The following PALM2AKAP2 variants were observed in gnomAD, a reference collection of about 807,000 sequenced individuals.
PALM2AKAP2 encodes the protein PALM2-AKAP2 fusion protein.
In PALM2AKAP2, 37 loss-of-function variants were observed where a neutral mutation model predicts 71.5. The observed-to-expected ratio is 0.52, with a 90% CI of 0.40 to 0.68. The LOEUF (loss-of-function observed/expected upper bound fraction) is 0.68. Ranked by LOEUF, PALM2AKAP2 falls within the 30% of genes least tolerant of loss-of-function variation. PALM2AKAP2 has a pLI of 0.00. For synonymous variants in PALM2AKAP2, 468 were observed against 478.8 expected (o/e 0.98, Z 0.29); for missense variants, 1,224 against 1,191.8 (o/e 1.03, Z -0.40).
intron 1 of PALM2AKAP2, among the ~76,000 whole-genome samples, chr9:109,666,731 G>T (rs1827491025): frequency 6.6e-6 from 1 of 152,176 alleles, no homozygotes. Flanking sequence ...GGAGTCAGCA[G>T]AAGGCTCCCA....
chr9:109,690,611 A>G (rs147187656), intron 1 of PALM2AKAP2, among the ~76,000 whole-genome samples: 63 of 152,314 alleles, frequency 4.1e-4, no homozygotes, highest in African/African-American at 1.4e-3. Flanking sequence ...TTGGATACAC[A>G]TTTATGATTT....
intron 6 of PALM2AKAP2, among the ~76,000 whole-genome samples, chr9:109,995,196 G>A (rs910117618): frequency 2.0e-5 from 3 of 152,138 alleles, no homozygotes; most frequent in Non-Finnish European, 4.4e-5. Flanking sequence ...GCTCTGGCAG[G>A]ACACCCAGAA....
intron 2 of PALM2AKAP2, among the ~76,000 whole-genome samples, chr9:109,878,024 G>A (rs555793610): frequency 6.6e-6 from 1 of 152,238 alleles, no homozygotes; most frequent in Admixed American, 6.5e-5. Context: ...TGCAAAACAG[G>A]GTCTGTCGGG....
chr9:109,883,260 A>G (rs1343076491), intron 3 of PALM2AKAP2, among the ~76,000 whole-genome samples: 1 of 152,222 alleles, frequency 6.6e-6, no homozygotes, highest in East Asian at 1.9e-4. Context: ...AATAAAGAGC[A>G]CACTCAATGT....
At chr9:109,775,422 G>A (rs1244355940), upstream of PALM2AKAP2, among the ~76,000 whole-genome samples, 1 of 152,150 alleles carries the variant, frequency 6.6e-6, no homozygotes, top group Non-Finnish European at 1.5e-5. Flanking sequence ...CTCCCTAAAT[G>A]AATCTATCAT....
At chr9:109,816,586 G>C (rs1343117824) in intron 1 of PALM2AKAP2, among the ~76,000 whole-genome samples, 1 of 152,164 alleles carries the variant, frequency 6.6e-6, no homozygotes, top group Non-Finnish European at 1.5e-5. Flanking sequence ...GAAGATCAAG[G>C]TCATCAGAGT....
At chr9:109,862,930 G>T (rs535562747) in intron 1 of PALM2AKAP2, 2 of 514,682 alleles carry the variant, frequency 3.9e-6, no homozygotes, top group Admixed American at 2.0e-5. Context: ...TTTGAGGTTG[G>T]ATCATGGTAG....
intron 6 of PALM2AKAP2, among the ~76,000 whole-genome samples, chr9:109,991,624 A>G (rs905163859): frequency 2.0e-5 from 3 of 152,194 alleles, no homozygotes; most frequent in Admixed American, 6.5e-5. Context: ...TCCTCCCCCT[A>G]ATACTGAGCT....
At chr9:109,769,326 C>T (rs1323290270) in intron 1 of PALM2AKAP2, among the ~76,000 whole-genome samples, 1 of 152,082 alleles carries the variant, frequency 6.6e-6, no homozygotes, top group African/African-American at 2.4e-5. Context: ...TTTATTGGCT[C>T]AGAGGGCAAG....
At chr9:110,070,150 A>G (rs763974784) in intron 1 of PALM2AKAP2, among the ~76,000 whole-genome samples, 1 of 152,172 alleles carries the variant, frequency 6.6e-6, no homozygotes, top group African/African-American at 2.4e-5. Flanking sequence ...AAACACTTTC[A>G]CCTACTCTCA....
chr9:109,701,077 G>C (rs980559042), intron 1 of PALM2AKAP2, among the ~76,000 whole-genome samples: 1 of 152,128 alleles, frequency 6.6e-6, no homozygotes, highest in African/African-American at 2.4e-5. Flanking sequence ...AATTTTAAGA[G>C]ATAATGTAAG....
At chr9:110,077,362 G>GT (rs1834345184) in intron 1 of PALM2AKAP2, among the ~76,000 whole-genome samples, 1 of 152,162 alleles carries the variant, frequency 6.6e-6, no homozygotes, top group African/African-American at 2.4e-5. Flanking sequence ...TACTATAATA[G>GT]TACATTCATT....
chr9:109,890,125 A>G (rs1267759804), intron 3 of PALM2AKAP2, among the ~76,000 whole-genome samples: 2 of 152,192 alleles, frequency 1.3e-5, no homozygotes, highest in African/African-American at 2.4e-5. Flanking sequence ...TCCTGTTGAC[A>G]TACTCTTCCA....
chr9:109,659,746 A>C lies in PALM2AKAP2; in HGVS notation c.5+18880A>C, dbSNP rs183021733. On this transcript the variant is annotated intron_variant, in intron 1 of 6. Transcript: ENST00000374531. ...TTCTAACTAAAATTCATATTGCTCC[A>C]CTAAAAAACTTTTTATAGAAAATTC... Among the ~76,000 whole-genome samples the C allele has an allele frequency of 4.2e-3, 633 of 152,334 alleles. 5 individuals carry two copies. Among genetic ancestry groups the C allele is most frequent in the African/African-American group, 0.015 (608 of 41,588 alleles).
chr9:109,961,595 G>A (rs1831852134), intron 6 of PALM2AKAP2, among the ~76,000 whole-genome samples: 1 of 152,204 alleles, frequency 6.6e-6, no homozygotes, highest in Non-Finnish European at 1.5e-5. Flanking sequence ...ATGTTCAGTT[G>A]GGATGATGAA....
At chr9:110,170,123 T>C (rs1836823104) in exon 4 of PALM2AKAP2, 1 of 152,450 alleles carries the variant, frequency 6.6e-6, no homozygotes, top group African/African-American at 2.4e-5. Flanking sequence ...AATCTTTCTG[T>C]CATTTAAAGC....
chr9:109,671,760 C>T (rs1008608435), intron 1 of PALM2AKAP2, among the ~76,000 whole-genome samples: 1 of 152,086 alleles, frequency 6.6e-6, no homozygotes. Context: ...TGCATCATCT[C>T]TGATTTCTTT....
intron 1 of PALM2AKAP2, among the ~76,000 whole-genome samples, chr9:109,809,369 C>G (rs1428082553): frequency 2.6e-5 from 4 of 152,164 alleles, no homozygotes; most frequent in African/African-American, 9.7e-5. Context: ...ACATGGAGAT[C>G]AAGGAGATAA....
chr9:109,748,764 C>T (rs1057250455), intron 1 of PALM2AKAP2, among the ~76,000 whole-genome samples: 2 of 152,066 alleles, frequency 1.3e-5, no homozygotes, highest in African/African-American at 2.4e-5. Flanking sequence ...AACTTTTTTG[C>T]TCACAATTCT....
Sources: allele counts gnomAD v4.1 joint callset (sites outside exome capture counted in the v4.1 genomes callset), GRCh38; gene constraint gnomAD v4.1.1; transcripts MANE v1.5; gene names NCBI Gene and HGNC (gene_info 2026-07-23, HGNC 2026-07-21).